ZNF263: variants seen among roughly 807,000 people sequenced by gnomAD.
ZNF263 encodes the protein zinc finger protein FPM315.
In ZNF263, 49 loss-of-function variants were observed where a neutral mutation model predicts 63.1. The ratio of observed to expected loss-of-function variants is 0.78; its 90% CI spans 0.62 to 0.99. ZNF263 has a LOEUF of 0.99. Ranked by LOEUF, ZNF263 falls within the 50% of genes least tolerant of loss-of-function variation. The pLI, the probability that ZNF263 is intolerant of heterozygous loss-of-function variation, is 0.00. For synonymous variants in ZNF263, 352 were observed against 324.2 expected, an observed-to-expected ratio of 1.09 and a Z score of -0.92; for missense variants, 872 against 854.8, an observed-to-expected ratio of 1.02 and a Z score of -0.25.
chr16:3,295,001 TTC>T (rs1197406327), downstream of ZNF263, among the ~76,000 whole-genome samples: 5 of 151,966 alleles, frequency 3.3e-5, no homozygotes, highest in Non-Finnish European at 4.4e-5. Flanking sequence ...CTTGAGGGAG[TTC>T]TCGGCTCTCC....
At chr16:3,297,456 C>CTTTTTTTTT (rs1168352573) in intron 1 of ZNF263, among the ~76,000 whole-genome samples, 3 of 76,476 alleles carry the variant, frequency 3.9e-5, no homozygotes, top group African/African-American at 1.5e-4. Flanking sequence ...GAAACAGATT[C>CTTTTTTTTT]TTTTTTTTTT....
chr16:3,289,306 G>A, intron 5 of ZNF263, 87 bp from the exon 6 acceptor site: 1 of 1,430,830 alleles, frequency 7.0e-7, no homozygotes, highest in Non-Finnish European at 9.3e-7. Context: ...CTGGGCTGCT[G>A]ACCTAACAGG....
Position 3,289,960 on chromosome 16 carries a change from C to G in ZNF263, c.1454C>G (p.Thr485Ser), listed in dbSNP as rs1307835871. The change falls in exon 6 of 6, where the codon ACT becomes AGT. Residue 485 changes from threonine (T) to serine (S), a missense_variant. Coordinates refer to ENST00000219069, the MANE Select transcript of ZNF263 (RefSeq NM_005741.5). ...CTCCACAGGCACCAGAGAACGCACA[C>G]TGGGGAGAAGCCCTACAAGTGCCCT... ...SNLHRHQRTH[T>S]GEKPYKCPEC... The G allele has an allele frequency of 6.2e-7, 1 of 1,614,068 alleles. No homozygotes were observed. The highest frequency in any genetic ancestry group is 8.5e-7 in the Non-Finnish European group (1 of 1,180,054).
In ZNF263 at chr16:3,289,894, A is replaced by C. The variant is rs1400574955; in HGVS notation, c.1388A>C (p.Gln463Pro). 6.2e-7 allele frequency: 1 copy of C among 1,614,224 alleles called. No individual in the cohort carries two copies. Among genetic ancestry groups the C allele is most frequent in the African/African-American group, 1.3e-5 (1 of 75,064 alleles). The change falls in exon 6 of 6, where the codon CAG becomes CCG. Residue 463 changes from glutamine to proline, a missense_variant. Gln to Pro is a moderately conservative substitution (Grantham distance 76). Coordinates refer to ENST00000219069, the MANE Select transcript of ZNF263 (RefSeq NM_005741.5). ...QRTHTGEKPY[Q>P]CNICGKCFSC... ...ACCCACACGGGTGAGAAGCCCTATC[A>C]GTGCAACATTTGCGGAAAATGTTTC...
intron 4 of ZNF263, among the ~76,000 whole-genome samples, chr16:3,287,541 C>T (rs114934287): frequency 4.0e-5 from 6 of 150,898 alleles, no homozygotes; most frequent in African/African-American, 1.5e-4. Context: ...TTACTTTTCA[C>T]TGCTGTGATG....
At chr16:3,297,928 C>CA (rs1257968696) in intron 1 of ZNF263, among the ~76,000 whole-genome samples, 2 of 152,094 alleles carry the variant, frequency 1.3e-5, no homozygotes, top group African/African-American at 4.8e-5. Context: ...ACAAAATTAG[C>CA]AAAAACTAAG....
intron 2 of ZNF263, chr16:3,299,237 CCTTT>C (rs778358058): frequency 8.7e-6 from 14 of 1,610,886 alleles, no homozygotes; most frequent in Middle Eastern, 3.3e-4. Context: ...TGAACAACTT[CCTTT>C]GTTATTCCAC....
intron 2 of ZNF263, chr16:3,300,171 TGAACTTA>T: frequency 6.2e-7 from 1 of 1,614,254 alleles, no homozygotes; most frequent in Non-Finnish European, 8.5e-7. Context: ...TTTCAGAAAC[TGAACTTA>T]GGACTTGTTC....
intron 4 of ZNF263, among the ~76,000 whole-genome samples, chr16:3,287,115 A>G (rs887153088): frequency 3.3e-5 from 5 of 152,198 alleles, no homozygotes; most frequent in African/African-American, 1.2e-4. Context: ...GTTTCCATAT[A>G]TCAGGTTTGC....
chr16:3,289,357 A>T, intron 5 of ZNF263, 36 bp from the exon 6 acceptor site: 1 of 1,495,676 alleles, frequency 6.7e-7, no homozygotes. Flanking sequence ...CCAGCATAGA[A>T]ATAATGTACG....
chr16:3,291,241 G>A lies in ZNF263; in HGVS notation c.*683G>A. On this transcript the variant is annotated 3_prime_UTR_variant, in exon 6 of 6. Coordinates refer to ENST00000219069, the MANE Select transcript of ZNF263 (RefSeq NM_005741.5). ...GCCCAGGAATTGGCAGAGGAAGTAG[G>A]TGTCTGATAACCCTTTGTGGAGAAT... 1.0e-6 allele frequency: 1 copy of A among 985,552 alleles called. No individual in the cohort carries two copies. Among genetic ancestry groups the A allele is most frequent in the Non-Finnish European group, 1.2e-6 (1 of 830,046 alleles). The allele number at this position is 985,552 out of a possible 1,614,324, so 61.1% of individuals were successfully genotyped here.
rs1400343899 is a variant in ZNF263 at position 3,286,008 on chromosome 16, C to A, written c.643-15C>A. 1 of 1,613,900 alleles carries A rather than the reference C, an allele frequency of 6.2e-7. No homozygotes were observed. Among genetic ancestry groups the A allele is most frequent in the Non-Finnish European group, 8.5e-7 (1 of 1,179,980 alleles). On this transcript the variant is annotated splice_polypyrimidine_tract_variant and intron_variant, in intron 3 of 5. Transcript: ENST00000219069. The stretch of plus-strand genomic sequence containing the variant: ...TGGTGCATCAGGGGCTAAAGGAGAT[C>A]TTGTGCTGTTTCAGTTGCCTGAGAG...
In ZNF263 at chr16:3,284,107, A is replaced by T. The variant is rs1373611141; in HGVS notation, c.289A>T (p.Ile97Phe). The change falls in exon 1 of 6, where the codon ATC (isoleucine) becomes TTC (phenylalanine). Residue 97 changes from isoleucine (I) to phenylalanine (F), a missense_variant. Coordinates refer to ENST00000219069, the MANE Select transcript of ZNF263 (RefSeq NM_005741.5). ...GTTCCTGACCATCCTGCCCCAGGAG[A>T]TCCAGAGCAGGGTGCAGGAGCTGCA... ...EQFLTILPQE[I>F]QSRVQELHPE... is the part of the protein sequence containing the mutation. 1 of 1,612,896 alleles carries T rather than the reference A, an allele frequency of 6.2e-7. No homozygotes were observed. The highest frequency in any genetic ancestry group is 8.5e-7 in the Non-Finnish European group (1 of 1,179,356).
At position 3,283,858 on chromosome 16, in the gene ZNF263, C is replaced by G. The variant is rs374352580; in HGVS notation, c.40C>G (p.Leu14Val). 1.2e-5 allele frequency: 20 copies of G among 1,601,780 alleles called. No individual in the cohort carries two copies. In the African/African-American group the frequency reaches 2.7e-4, roughly 21 times the overall value. ...GGGCTCCCAGGAACGGGAAGGGCTC[C>G]TGATAGTGAAGCTGGAGGAGGACTG... ...GPGSQEREGLLIVKLEEDCAW... is the reference protein window; with the variant it reads ...GPGSQEREGLVIVKLEEDCAW... The change falls in exon 1 of 6, where the codon CTG becomes GTG. Residue 14 changes from leucine to valine, a missense_variant. Transcript: ENST00000219069.
At position 3,289,997 on chromosome 16, in the gene ZNF263, G is replaced by T. The variant is rs973064356; in HGVS notation, c.1491G>T (p.Glu497Asp). 3.7e-6 allele frequency: 6 copies of T among 1,613,724 alleles called. No homozygotes were observed. Among genetic ancestry groups the T allele is most frequent in the South Asian group, 1.1e-5 (1 of 91,072 alleles). ...CCTACAAGTGCCCTGAGTGTGGGGA[G>T]ATCTTTGCTCACAGTTCCAACCTCC... ...EKPYKCPECG[E>D]IFAHSSNLLR... The change falls in exon 6 of 6, where the codon GAG becomes GAT. Residue 497 changes from glutamate (E) to aspartate (D), a missense_variant. By Grantham distance (45) the Glu-to-Asp change is conservative. Transcript: ENST00000219069.
intron 4 of ZNF263, chr16:3,286,715 A>G (rs1052697537): frequency 2.6e-5 from 4 of 152,416 alleles, no homozygotes; most frequent in African/African-American, 7.2e-5. Flanking sequence ...AGATTTACCT[A>G]TGTCTTGTAC....
chr16:3,299,511 A>C (rs1294876260), intron 2 of ZNF263: 15 of 1,533,922 alleles, frequency 9.8e-6, no homozygotes, highest in Non-Finnish European at 1.1e-5. Context: ...TAATTTTGGA[A>C]ACTCCTTTAT....
intron 5 of ZNF263, 64 bp downstream of exon 5, chr16:3,288,634 C>A: frequency 7.7e-7 from 1 of 1,303,070 alleles, no homozygotes; most frequent in Non-Finnish European, 1.1e-6. Context: ...AAGAGTGAGG[C>A]ATTTTTTGGT....
intron 2 of ZNF263, chr16:3,300,060 C>T (rs927358916): frequency 6.2e-7 from 1 of 1,614,058 alleles, no homozygotes; most frequent in Non-Finnish European, 8.5e-7. Context: ...CTGGCATTGA[C>T]TTCCAAAAGA....
Sources: gnomAD v4.1 joint callset for allele counts (sites outside exome capture counted in the v4.1 genomes callset) on GRCh38, gnomAD v4.1.1 for gene constraint, MANE v1.5 for transcripts, NCBI Gene and HGNC (gene_info 2026-07-23, HGNC 2026-07-21) for gene names.